Variants in TASP1 observed in about 807,000 individuals in gnomAD.
TASP1 encodes the protein taspase 1, also known as threonine aspartase 1.
TASP1 carries 16 observed loss-of-function variants against 56.6 expected under a neutral mutation model. That is an observed-to-expected ratio of 0.28 (90% CI 0.19 to 0.43). TASP1 has a LOEUF of 0.43. Ranked by LOEUF, TASP1 falls within the 20% of genes least tolerant of loss-of-function variation. The pLI is 1.00. For missense variants in TASP1, 393 were observed against 511.6 expected (o/e 0.77, Z 2.24); for synonymous variants, 179 against 184.2 (o/e 0.97, Z 0.23).
intron 4 of TASP1, among the ~76,000 whole-genome samples, chr20:13,594,429 G>A (rs2047652474): frequency 6.6e-6 from 1 of 152,116 alleles, no homozygotes; most frequent in Non-Finnish European, 1.5e-5. Context: ...AAACTTCTCC[G>A]AGCTAAAGGA....
At chr20:13,587,424 T>C (rs2047347216) in intron 4 of TASP1, 54 bp from the exon 5 acceptor site, 1 of 1,452,682 alleles carries the variant, frequency 6.9e-7, no homozygotes, top group African/African-American at 1.4e-5. Flanking sequence ...AAAGTATTAA[T>C]GTCAGTCCTT....
chr20:13,368,394 A>G, the TASP1 span: 6 of 152,362 alleles, frequency 3.9e-5, no homozygotes, highest in Admixed American at 6.5e-5. Flanking sequence ...ATTACACTCC[A>G]CTGTTGGCCT....
chr20:13,315,534 G>A, the TASP1 span, among the ~76,000 whole-genome samples: 1 of 151,948 alleles, frequency 6.6e-6, no homozygotes, highest in Non-Finnish European at 1.5e-5. Flanking sequence ...CAAAATACAT[G>A]AGAAAGAAAC....
At position 13,435,154 on chromosome 20, in the gene TASP1, C is replaced by A; in HGVS notation, c.986G>T (p.Ser329Ile). ...LLETMQNKFI[S>I]SPFLASEDGV... ...ATCTTCACTGGCAAGGAAAGGTGAA[C>A]CTAGGCAGAAAGGACTAGTAGTTAT... The change falls in exon 12 of 14, where the codon AGT becomes ATT. Residue 329 changes from serine (S) to isoleucine (I), a missense_variant and splice_region_variant. Physicochemically the swap from Ser to Ile is moderately radical, Grantham distance 142. Around this residue, in one of 3 missense-constraint regions of TASP1, gnomAD observed 293 missense variants for 354.2 expected, o/e 0.83. Coordinates refer to ENST00000337743, the MANE Select transcript of TASP1 (RefSeq NM_017714.3). 6.3e-7 allele frequency: 1 copy of A among 1,596,196 alleles called. No individual in the cohort carries two copies. Among genetic ancestry groups the A allele is most frequent in the Non-Finnish European group, 8.5e-7 (1 of 1,171,050 alleles).
the TASP1 span, among the ~76,000 whole-genome samples, chr20:13,220,232 C>T: frequency 3.3e-5 from 5 of 152,172 alleles, no homozygotes; most frequent in Admixed American, 1.3e-4. Context: ...TCCGCTACTC[C>T]GAGTCACTTC....
chr20:13,609,317 T>A (rs1416054379), intron 4 of TASP1, among the ~76,000 whole-genome samples: 2 of 151,994 alleles, frequency 1.3e-5, no homozygotes, highest in East Asian at 3.9e-4. Flanking sequence ...GTAGAAAAAA[T>A]TATAACCTTG....
the TASP1 span, among the ~76,000 whole-genome samples, chr20:13,243,085 A>G: frequency 6.6e-6 from 1 of 152,198 alleles, no homozygotes; most frequent in Non-Finnish European, 1.5e-5. Flanking sequence ...ACCAGAGTCC[A>G]TGCTTTTAAT....
At chr20:13,587,464 G>C in intron 4 of TASP1, 94 bp from the exon 5 acceptor site, 7 of 1,066,328 alleles carry the variant, frequency 6.6e-6, no homozygotes, top group Non-Finnish European at 9.4e-6. Context: ...TAGAAGGTGA[G>C]AGAATACTTT....
intron 11 of TASP1, among the ~76,000 whole-genome samples, chr20:13,476,290 A>G (rs943798369): frequency 3.9e-5 from 6 of 152,200 alleles, no homozygotes; most frequent in African/African-American, 1.2e-4. Flanking sequence ...CTGAGCTGAC[A>G]GTGTACTCCT....
chr20:13,393,379 C>A, intron 13 of TASP1: 1 of 744,062 alleles, frequency 1.3e-6, no homozygotes, highest in East Asian at 2.7e-5. Flanking sequence ...TTCCATGTCC[C>A]CATTGCCAAT....
the TASP1 span, among the ~76,000 whole-genome samples, chr20:13,227,454 C>T: frequency 1.9e-4 from 28 of 151,130 alleles, no homozygotes; most frequent in African/African-American, 5.6e-4. Context: ...CTGCCCGCCT[C>T]GACCTCCCAA....
At position 13,630,072 on chromosome 20, in the gene TASP1, T is replaced by G. The variant is rs752049663; in HGVS notation, c.7A>C (p.Met3Leu). Residue 3 changes from methionine to leucine, a missense_variant, in exon 2 of 14, where the codon ATG becomes CTG. By Grantham distance (15) the Met-to-Leu change is conservative. Transcript: ENST00000337743. ...TCTCCAGAACTCATCCCCTTCTCCA[T>G]GGTCATTCTCCAAGATTACCATCTT... MT[M>L]EKGMSSGEGL... 6.2e-7 allele frequency: 1 copy of G among 1,612,450 alleles called. No individual in the cohort carries two copies. The highest frequency in any genetic ancestry group is 8.5e-7 in the Non-Finnish European group (1 of 1,179,544).
chr20:13,494,544 G>A (rs1004245902), intron 10 of TASP1, among the ~76,000 whole-genome samples: 2 of 152,038 alleles, frequency 1.3e-5, no homozygotes, highest in African/African-American at 4.8e-5. Flanking sequence ...CTGTATATCT[G>A]GGGCTTTAGA....
chr20:13,182,298 A>AG, the TASP1 span, among the ~76,000 whole-genome samples: 1 of 152,230 alleles, frequency 6.6e-6, no homozygotes, highest in Non-Finnish European at 1.5e-5. Context: ...ACCATTCTCC[A>AG]GGCTCCTACC....
At chr20:13,322,941 TG>T in the TASP1 span, among the ~76,000 whole-genome samples, 2 of 152,154 alleles carry the variant, frequency 1.3e-5, no homozygotes, top group African/African-American at 2.4e-5. Context: ...AATAAAATCC[TG>T]GGTTAAAAAG....
At chr20:13,435,540 C>T (rs1282920547) in intron 11 of TASP1, among the ~76,000 whole-genome samples, 2 of 152,160 alleles carry the variant, frequency 1.3e-5, no homozygotes, top group African/African-American at 4.8e-5. Flanking sequence ...AGGGACACAC[C>T]ACCAAAAGCT....
chr20:13,530,657 T>C (rs906118412), intron 9 of TASP1, among the ~76,000 whole-genome samples: 1 of 152,222 alleles, frequency 6.6e-6, no homozygotes, highest in African/African-American at 2.4e-5. Flanking sequence ...GTCATCTTTC[T>C]AGAAAAGAAC....
At chr20:13,370,500 TTA>T in the TASP1 span, among the ~76,000 whole-genome samples, 1 of 152,212 alleles carries the variant, frequency 6.6e-6, no homozygotes, top group Non-Finnish European at 1.5e-5. Context: ...TTAAAATAAT[TTA>T]TGTTAATACT....
the TASP1 span, among the ~76,000 whole-genome samples, chr20:13,227,956 T>A: frequency 2.0e-5 from 3 of 148,856 alleles, no homozygotes; most frequent in Non-Finnish European, 3.0e-5. Flanking sequence ...TAGCTGCTGC[T>A]GCCTTTTTTT....
Sources: gnomAD v4.1 joint callset for allele counts (sites outside exome capture counted in the v4.1 genomes callset) on GRCh38, gnomAD v4.1.1 for gene constraint, gnomAD v4.1.1 regional missense constraint, MANE v1.5 for transcripts, NCBI Gene and HGNC (gene_info 2026-07-23, HGNC 2026-07-21) for gene names.